Variants in MTOR observed in about 807,000 individuals in gnomAD.
MTOR encodes mechanistic target of rapamycin kinase, also known as serine/threonine-protein kinase mTOR.
In MTOR, 70 loss-of-function variants were observed where a neutral mutation model predicts 319.8. That is an observed-to-expected ratio of 0.22 (90% confidence interval 0.18 to 0.27). The LOEUF is 0.27. MTOR is among the 10% of genes least tolerant of loss of function. MTOR has a pLI of 1.00. For synonymous variants in MTOR, 1,183 were observed against 1,211.4 expected (o/e 0.98, Z 0.49); for missense variants, 1,890 against 3,274.4 (o/e 0.58, Z 10.32).
intron 6 of MTOR, among the ~76,000 whole-genome samples, chr1:11,248,406 T>G (rs367653719): frequency 2.1e-4 from 32 of 152,318 alleles, no homozygotes; most frequent in African/African-American, 7.2e-4. Context: ...CATACTGCTG[T>G]GACTACTGAC....
chr1:11,212,828 A>C lies in MTOR; in HGVS notation c.3366T>G (p.Phe1122Leu). Residue 1122 changes from phenylalanine (F) to leucine (L), a missense_variant, in exon 22 of 58, where the codon TTT becomes TTG. Transcript: ENST00000361445. This position sits in a 1 kb window ranked among gnomAD's most constrained non-coding sequence, Gnocchi z 4.1. ...ATGGCAGTGGAGCTTCAGGGGCATC[A>C]AACAACTTAACAATAGGAGGCAGCA... ...HLLLPPIVKL[F>L]DAPEAPLPSR... is the part of the protein sequence containing the mutation. 6.2e-7 allele frequency: 1 copy of C among 1,614,164 alleles called. No homozygotes were observed. Among genetic ancestry groups the C allele is most frequent in the Non-Finnish European group, 8.5e-7 (1 of 1,180,008 alleles).
intron 49 of MTOR, among the ~76,000 whole-genome samples, chr1:11,118,554 G>A (rs922272094): frequency 6.7e-6 from 1 of 149,028 alleles, no homozygotes; most frequent in African/African-American, 2.5e-5. Context: ...TTTAAGAGAC[G>A]ATCTCACTAT....
chr1:11,167,107 A>T (rs1644668913), intron 29 of MTOR, among the ~76,000 whole-genome samples: 1 of 152,106 alleles, frequency 6.6e-6, no homozygotes, highest in African/African-American at 2.4e-5. Context: ...GAGTGTGGGG[A>T]GCGGGGAGGG....
At chr1:11,118,696 C>G (rs372733844) in intron 49 of MTOR, among the ~76,000 whole-genome samples, 10 of 149,512 alleles carry the variant, frequency 6.7e-5, no homozygotes, top group African/African-American at 2.2e-4. Flanking sequence ...GGCACAATCT[C>G]AGCTAACTGC....
intron 37 of MTOR, 130 bp downstream of exon 37, chr1:11,134,221 C>G (rs1643297529): frequency 1.3e-6 from 1 of 744,798 alleles, no homozygotes; most frequent in Admixed American, 2.5e-5. Flanking sequence ...TGCCTGGGAT[C>G]CCTACTGGAA....
chr1:11,194,373 C>A, intron 28 of MTOR: 1 of 1,231,986 alleles, frequency 8.1e-7, no homozygotes, highest in Non-Finnish European at 1.2e-6. Context: ...AGATGTTTGG[C>A]TATGGGACTG....
rs1337951057 is a variant in MTOR, at chr1:11,256,186, C to G, written c.511G>C (p.Val171Leu). The G allele has an allele frequency of 6.2e-7, 1 of 1,613,684 alleles. No individual in the cohort carries two copies. Among genetic ancestry groups the G allele is most frequent in the Admixed American group, 1.7e-5 (1 of 59,896 alleles). ...ACGCTGATGGCCAGCTCACGGAGAA[C>G]CAGGACCTGGAGAAAAAAGCAAACC... ...NEGRRHAAVL[V>L]LRELAISVPT... is the part of the protein sequence containing the mutation. Residue 171 changes from valine to leucine, a missense_variant, in exon 5 of 58, where the codon GTT becomes CTT. By Grantham distance (32) the Val-to-Leu change is conservative. Around this residue, in one of 15 missense-constraint regions of MTOR, gnomAD observed 81 missense variants for 203.6 expected, o/e 0.40. Transcript: ENST00000361445.
chr1:11,134,680 T>C (rs188282741), intron 36 of MTOR, among the ~76,000 whole-genome samples: 4 of 152,338 alleles, frequency 2.6e-5, no homozygotes, highest in Non-Finnish European at 4.4e-5. Context: ...AACTCAAGTC[T>C]TGGCTCTCCT....
chr1:11,219,751 C>T (rs535894184), intron 19 of MTOR, among the ~76,000 whole-genome samples: 32 of 152,044 alleles, frequency 2.1e-4, no homozygotes, highest in Admixed American at 9.8e-4. Flanking sequence ...AGGCTGGGCA[C>T]GGTGGCTCAT....
rs144521773 is a variant in MTOR at position 11,210,756 on chromosome 1, A to G, written c.3654+58T>C. 8.2e-4 allele frequency: 1,070 copies of G among 1,310,148 alleles called. 8 individuals carry two copies. In the African/African-American group the frequency reaches 0.014, roughly 17 times the overall value. 81.2% of individuals were successfully genotyped at this position (1,310,148 alleles called of 1,614,324 possible). On this transcript the variant is annotated intron_variant, in intron 24 of 57. Coordinates refer to ENST00000361445, the MANE Select transcript of MTOR (RefSeq NM_004958.4). ...ACAAACTCCCATAGCCAAGATTACA[A>G]GAATATCAAGTAGTAAAGACAACAG...
intron 6 of MTOR, among the ~76,000 whole-genome samples, chr1:11,250,470 G>A (rs185723314): frequency 2.0e-5 from 3 of 152,168 alleles, no homozygotes; most frequent in African/African-American, 4.8e-5. Context: ...CCTCCTTGAC[G>A]CCCTTTCTTC....
chr1:11,178,059 T>C (rs1198701602), intron 28 of MTOR, among the ~76,000 whole-genome samples: 1 of 152,188 alleles, frequency 6.6e-6, no homozygotes, highest in African/African-American at 2.4e-5. Context: ...ACCCGTTTCC[T>C]CCCACTGATA....
intron 19 of MTOR, among the ~76,000 whole-genome samples, chr1:11,223,333 T>C (rs55654422): frequency 9.7e-5 from 4 of 41,236 alleles, no homozygotes; most frequent in African/African-American, 1.3e-4. Flanking sequence ...GGGTTGGTAT[T>C]AAATAATACT....
At chr1:11,193,887 G>T in intron 28 of MTOR, 1 of 1,123,690 alleles carries the variant, frequency 8.9e-7, no homozygotes, top group Non-Finnish European at 1.3e-6. Flanking sequence ...TATATTCATT[G>T]TGATGGTTTT....
At chr1:11,122,757 T>G (rs1214547065) in intron 47 of MTOR, among the ~76,000 whole-genome samples, 1 of 152,114 alleles carries the variant, frequency 6.6e-6, no homozygotes, top group Non-Finnish European at 1.5e-5. Context: ...TCCACCCTCC[T>G]TGGCCTCCCA....
intron 25 of MTOR, among the ~76,000 whole-genome samples, chr1:11,208,018 G>C (rs1464501552): frequency 3.9e-5 from 6 of 152,164 alleles, no homozygotes; most frequent in African/African-American, 1.4e-4. Context: ...AGAGAACAAA[G>C]CTCTAAAGCA....
intron 4 of MTOR, chr1:11,256,429 C>G: frequency 1.5e-6 from 1 of 668,370 alleles, no homozygotes; most frequent in Non-Finnish European, 1.8e-6. Flanking sequence ...AACATAAGTT[C>G]TGGAAGTGCA....
At chr1:11,241,708 T>G in intron 9 of MTOR, 27 bp from the exon 10 acceptor site, 1 of 1,593,754 alleles carries the variant, frequency 6.3e-7, no homozygotes, top group Non-Finnish European at 8.6e-7. Context: ...AGTGGCTAGT[T>G]GAGACATAAT....
At chr1:11,148,011 A>G (rs1178396084) in intron 31 of MTOR, among the ~76,000 whole-genome samples, 2 of 152,236 alleles carry the variant, frequency 1.3e-5, no homozygotes, top group African/African-American at 4.8e-5. Context: ...GGTGAAGGGC[A>G]GATGGGGGTT....
Sources: allele counts gnomAD v4.1 joint callset (sites outside exome capture counted in the v4.1 genomes callset), GRCh38; gene constraint gnomAD v4.1.1; regional missense constraint gnomAD v4.1.1; non-coding constraint Gnocchi (gnomAD v3.1); transcripts MANE v1.5; gene names NCBI Gene and HGNC (gene_info 2026-07-23, HGNC 2026-07-21).